The following TBCD variants were observed in gnomAD, a reference collection of about 807,000 sequenced individuals.
TBCD encodes tubulin-specific chaperone D.
Under a neutral mutation model 169.3 loss-of-function variants are expected in TBCD, and 105 were observed. The observed-to-expected ratio is 0.62, with a 90% confidence interval of 0.53 to 0.73. TBCD has a LOEUF of 0.73. TBCD is among the 30% of genes least tolerant of loss of function. TBCD has a pLI of 0.00. For missense variants in TBCD, 1,444 were observed against 1,600.1 expected, an observed-to-expected ratio of 0.90 and a Z score of 1.66; for synonymous variants, 700 against 643.9, an observed-to-expected ratio of 1.09 and a Z score of -1.32.
intron 2 of TBCD, 41 bp downstream of exon 2, chr17:82,756,256 A>G (rs2143789465): frequency 3.2e-6 from 5 of 1,577,204 alleles, no homozygotes; most frequent in South Asian, 2.3e-5. Context: ...TCAGTTACAG[A>G]TGACCACGGA....
chr17:82,940,391 AC>A (rs1233167951), intron 37 of TBCD, among the ~76,000 whole-genome samples: 2 of 152,036 alleles, frequency 1.3e-5, no homozygotes, highest in Admixed American at 1.3e-4. Flanking sequence ...TTGAGTGCCG[AC>A]TGTGAGGGCC....
In TBCD at chr17:82,832,902, G is replaced by A. The variant is rs752243172; in HGVS notation, c.1318+17968G>A. On this transcript the variant is annotated intron_variant, in intron 13 of 38. Coordinates refer to ENST00000355528, the MANE Select transcript of TBCD (RefSeq NM_005993.5). The surrounding 1 kb of genome is among the most constrained non-coding windows in gnomAD (Gnocchi z 4.9). ...GGGGCCTAGAGGTGGAGTGTGGTGTGTGGTGCGTTGAGTGTCTGTTCTGAG... is the reference window on the plus strand; with the variant it reads ...GGGGCCTAGAGGTGGAGTGTGGTGTATGGTGCGTTGAGTGTCTGTTCTGAG... Among the ~76,000 whole-genome samples the A allele has an allele frequency of 4.6e-5, 7 of 152,200 alleles. No individual in the cohort carries two copies. Among genetic ancestry groups the A allele is most frequent in the Admixed American group, 1.3e-4 (2 of 15,292 alleles).
chr17:82,931,632 A>C (rs2062222233), intron 33 of TBCD, among the ~76,000 whole-genome samples: 1 of 152,104 alleles, frequency 6.6e-6, no homozygotes, highest in African/African-American at 2.4e-5. Flanking sequence ...TTGCTGGTAG[A>C]GCTGCAGGCA....
At chr17:82,771,131 C>A (rs1385805373) in intron 5 of TBCD, among the ~76,000 whole-genome samples, 6 of 135,866 alleles carry the variant, frequency 4.4e-5, no homozygotes, top group African/African-American at 5.5e-5. Flanking sequence ...AACAAACAAA[C>A]AAAAAAAACC....
chr17:82,936,825 G>A (rs1356065330), intron 34 of TBCD, among the ~76,000 whole-genome samples: 4 of 152,206 alleles, frequency 2.6e-5, no homozygotes, highest in Admixed American at 6.5e-5. Context: ...TGTCCCTGCT[G>A]CCACTGAAGG....
In TBCD at chr17:82,889,085, G is replaced by T. The variant is rs557353206; in HGVS notation, c.1534-583G>T. On this transcript the variant is annotated intron_variant, in intron 15 of 38. Transcript: ENST00000355528. The surrounding 1 kb of genome is among the most constrained non-coding windows in gnomAD (Gnocchi z 5.3). ...CCCAGGTAACCTGCTCTGCCTGGTC[G>T]GTGCGCCTAAGGGGGGCAGGGTGTT... Among the ~76,000 whole-genome samples, 1 of 152,178 alleles carries T rather than the reference G, an allele frequency of 6.6e-6. No homozygotes were observed. Among genetic ancestry groups the T allele is most frequent in the Non-Finnish European group, 1.5e-5 (1 of 68,028 alleles).
chr17:82,764,002 T>A lies in TBCD; in HGVS notation c.273T>A (p.Asp91Glu). 1 of 1,614,006 alleles carries A rather than the reference T, an allele frequency of 6.2e-7. No individual in the cohort carries two copies. Residue 91 changes from aspartate to glutamate, a missense_variant, in exon 3 of 39, where the codon GAT (aspartate) becomes GAA (glutamate). Coordinates refer to ENST00000355528, the MANE Select transcript of TBCD (RefSeq NM_005993.5). ...ACTTGTTGTTGGACATAGTGCAAGATCAGACATCTCCAGCTTCCCTTGTAC... is the reference window on the plus strand; with the variant it reads ...ACTTGTTGTTGGACATAGTGCAAGAACAGACATCTCCAGCTTCCCTTGTAC... The part of the protein sequence containing the change: ...MMNLLLDIVQ[D>E]QTSPASLVHL...
chr17:82,828,742 C>T (rs1296146007), intron 13 of TBCD, among the ~76,000 whole-genome samples: 2 of 133,920 alleles, frequency 1.5e-5, no homozygotes, highest in African/African-American at 5.2e-5. Context: ...TGTGCACACA[C>T]CCAGAGATGC....
At position 82,895,541 on chromosome 17, in the gene TBCD, T is replaced by C. The variant is rs114760840; in HGVS notation, c.1649+1909T>C. Reference sequence around the variant, plus strand: ...TGGTCAGGTCTTTGTTTTGAACATATCCCTGTGGCTGTATTTGGTGACTGG... The same window carrying C: ...TGGTCAGGTCTTTGTTTTGAACATACCCCTGTGGCTGTATTTGGTGACTGG... On this transcript the variant is annotated intron_variant, in intron 17 of 38. Coordinates refer to ENST00000355528, the MANE Select transcript of TBCD (RefSeq NM_005993.5). Among the ~76,000 whole-genome samples, 497 of 152,212 alleles carry C rather than the reference T, an allele frequency of 3.3e-3. 3 individuals are homozygous for C. The highest frequency in any genetic ancestry group is 0.01 in the African/African-American group (416 of 41,534).
intron 6 of TBCD, among the ~76,000 whole-genome samples, chr17:82,774,328 G>A (rs1327368678): frequency 6.6e-6 from 1 of 152,188 alleles, no homozygotes; most frequent in African/African-American, 2.4e-5. Context: ...TTACCCCTGA[G>A]TGGACACAGC....
At chr17:82,812,170 T>C (rs2051489937) in intron 12 of TBCD, among the ~76,000 whole-genome samples, 1 of 152,142 alleles carries the variant, frequency 6.6e-6, no homozygotes, top group Non-Finnish European at 1.5e-5. Context: ...TGTCTGTGTC[T>C]GTGCCAACCC....
At chr17:82,897,266 T>TGCC (rs1490561374) in intron 17 of TBCD, among the ~76,000 whole-genome samples, 3 of 152,084 alleles carry the variant, frequency 2.0e-5, no homozygotes, top group Non-Finnish European at 4.4e-5. Flanking sequence ...ACACCTGTAA[T>TGCC]GCCAGCACTT....
At chr17:82,758,397 A>AAAAAT (rs1555672613) in intron 2 of TBCD, among the ~76,000 whole-genome samples, 22 of 127,420 alleles carry the variant, frequency 1.7e-4, no homozygotes, top group African/African-American at 6.7e-4. Context: ...AAAAAAAAAA[A>AAAAAT]AAAAAATAAA....
rs143860065 is a variant in TBCD, at chr17:82,847,237, C to T, written c.1319-22987C>T. Among the ~76,000 whole-genome samples the T allele has an allele frequency of 6.1e-3, 924 of 151,796 alleles. 11 individuals are homozygous for T. The highest frequency in any genetic ancestry group is 0.021 in the African/African-American group (864 of 41,346). On this transcript the variant is annotated intron_variant, in intron 13 of 38. Transcript: ENST00000355528. Reference sequence around the variant, plus strand: ...GCGTGGTGGTGGGTGCCTGTAATCCCAACTACTCGGGAGGCTGAGGCAGGA... The same window carrying T: ...GCGTGGTGGTGGGTGCCTGTAATCCTAACTACTCGGGAGGCTGAGGCAGGA...
chr17:82,827,972 C>G (rs201522964), intron 13 of TBCD, among the ~76,000 whole-genome samples: 3 of 147,160 alleles, frequency 2.0e-5, no homozygotes, highest in Non-Finnish European at 3.0e-5. Flanking sequence ...CTCACAGATA[C>G]GCACACATGC....
rs1162258155 is a variant in TBCD at position 82,800,975 on chromosome 17, A to G, written c.929A>G (p.Lys310Arg). The change falls in exon 9 of 39, where the codon AAG becomes AGG. Residue 310 changes from lysine to arginine, a missense_variant. Coordinates refer to ENST00000355528, the MANE Select transcript of TBCD (RefSeq NM_005993.5). Reference protein sequence around the residue: ...LVQRLGLTFLKPKVAAWRYQR... With the variant: ...LVQRLGLTFLRPKVAAWRYQR... ...CAGCGACTGGGGCTGACATTCCTGA[A>G]GCCGAAGGTGGCAGCATGGAGGTAG... is the stretch of plus-strand genomic sequence containing the variant. 2.6e-5 allele frequency: 42 copies of G among 1,600,092 alleles called. No homozygotes were observed. The highest frequency in any genetic ancestry group is 3.0e-5 in the Non-Finnish European group (35 of 1,173,868).
intron 17 of TBCD, among the ~76,000 whole-genome samples, chr17:82,900,091 T>G (rs1443848676): frequency 6.6e-6 from 1 of 152,238 alleles, no homozygotes; most frequent in Non-Finnish European, 1.5e-5. Context: ...GAAGTGCAGC[T>G]GGCACACACT....
chr17:82,819,987 T>C (rs1447492714), intron 13 of TBCD, among the ~76,000 whole-genome samples: 2 of 151,842 alleles, frequency 1.3e-5, no homozygotes, highest in Non-Finnish European at 2.9e-5. Flanking sequence ...TTTTTTTTTT[T>C]TCTTTTTTTG....
intron 13 of TBCD, among the ~76,000 whole-genome samples, chr17:82,848,984 A>G: frequency 4.0e-5 from 1 of 24,870 alleles, no homozygotes; most frequent in African/African-American, 1.7e-4. Flanking sequence ...CTCCACCTCG[A>G]TGTCCCCCTC....
Sources: allele counts gnomAD v4.1 joint callset (sites outside exome capture counted in the v4.1 genomes callset), GRCh38; gene constraint gnomAD v4.1.1; non-coding constraint Gnocchi (gnomAD v3.1); transcripts MANE v1.5; gene names NCBI Gene and HGNC (gene_info 2026-07-23, HGNC 2026-07-21).